The following AXDND1 variants were observed in gnomAD, a reference collection of about 807,000 sequenced individuals.
AXDND1 encodes axonemal dynein light chain domain-containing protein 1.
Under a neutral mutation model 137.5 loss-of-function variants are expected in AXDND1, and 110 were observed. That is an observed-to-expected ratio of 0.80 (90% CI 0.69 to 0.94). The LOEUF (loss-of-function observed/expected upper bound fraction) is 0.94. Among genes scored for constraint, AXDND1 ranks in the 40% least tolerant of loss-of-function variants. The pLI, the probability that AXDND1 is intolerant of heterozygous loss-of-function variation, is 0.00. For synonymous variants in AXDND1, 414 were observed against 399.7 expected, an observed-to-expected ratio of 1.04 and a Z score of -0.43; for missense variants, 1,191 against 1,169.8, an observed-to-expected ratio of 1.02 and a Z score of -0.26.
intron 25 of AXDND1, chr1:179,545,919 A>G (rs1228539283): frequency 4.6e-5 from 7 of 152,176 alleles, no homozygotes; most frequent in Non-Finnish European, 8.8e-5. Flanking sequence ...GAAAAAAGAT[A>G]ATGTATTGAA....
intron 4 of AXDND1, 26 bp downstream of exon 4, chr1:179,370,104 A>T: frequency 6.5e-7 from 1 of 1,541,752 alleles, no homozygotes; most frequent in Non-Finnish European, 8.9e-7. Context: ...AGTAGGATAG[A>T]TGCTGATAAA....
chr1:179,443,566 C>T (rs1031382275), intron 15 of AXDND1, among the ~76,000 whole-genome samples: 1 of 152,076 alleles, frequency 6.6e-6, no homozygotes, highest in East Asian at 1.9e-4. Flanking sequence ...CTATTTCTGC[C>T]TCCCCCAACC....
At chr1:179,516,595 G>A (rs954951562) in intron 21 of AXDND1, among the ~76,000 whole-genome samples, 16 of 152,192 alleles carry the variant, frequency 1.1e-4, no homozygotes, top group Admixed American at 4.6e-4. Context: ...CTGTCAGAGG[G>A]AAGGTATAGA....
At chr1:179,419,552 G>T (rs1463404903) in intron 12 of AXDND1, among the ~76,000 whole-genome samples, 5 of 148,418 alleles carry the variant, frequency 3.4e-5, no homozygotes, top group Non-Finnish European at 6.0e-5. Flanking sequence ...GCAGTGAGCC[G>T]AGATGGCAGC....
At chr1:179,424,452 G>C (rs1292094308) in intron 12 of AXDND1, among the ~76,000 whole-genome samples, 2 of 135,756 alleles carry the variant, frequency 1.5e-5, no homozygotes, top group Non-Finnish European at 3.1e-5. Flanking sequence ...TTTTGAGACA[G>C]AGTCTGGCTC....
chr1:179,447,834 C>T (rs996303996), intron 16 of AXDND1: 4 of 1,299,216 alleles, frequency 3.1e-6, no homozygotes, highest in Admixed American at 3.4e-5. Flanking sequence ...CTGTAGTGCC[C>T]AACATCCCAC....
At chr1:179,478,695 A>T (rs1368560326) in intron 17 of AXDND1, among the ~76,000 whole-genome samples, 1 of 152,228 alleles carries the variant, frequency 6.6e-6, no homozygotes, top group Non-Finnish European at 1.5e-5. Flanking sequence ...CTCATTACTT[A>T]TGCAGATTTC....
intron 16 of AXDND1, among the ~76,000 whole-genome samples, chr1:179,463,624 G>A (rs921784988): frequency 2.6e-5 from 4 of 152,234 alleles, no homozygotes; most frequent in African/African-American, 7.2e-5. Flanking sequence ...TTCTGTAGAT[G>A]TCAGTTAGGT....
At chr1:179,411,615 TTTC>T (rs1358547531) in intron 12 of AXDND1, among the ~76,000 whole-genome samples, 1 of 152,174 alleles carries the variant, frequency 6.6e-6, no homozygotes, top group African/African-American at 2.4e-5. Context: ...AAAAGTTGAA[TTTC>T]TTCTTTTTAT....
chr1:179,452,652 C>T (rs1406178863), intron 16 of AXDND1: 3 of 117,584 alleles, frequency 2.6e-5, no homozygotes, highest in African/African-American at 1.0e-4. Flanking sequence ...TGCGCCACTG[C>T]AGTCCGCAGT....
chr1:179,365,748 G>A (rs1259600619), upstream of AXDND1: 1 of 152,434 alleles, frequency 6.6e-6, no homozygotes, highest in Non-Finnish European at 1.5e-5. Flanking sequence ...AGGAAGCCCC[G>A]GCGTGAGACA....
intron 16 of AXDND1, chr1:179,447,531 G>A: frequency 1.6e-6 from 1 of 640,908 alleles, no homozygotes; most frequent in Non-Finnish European, 2.5e-6. Context: ...AAATTCCAAA[G>A]GAAGCTACAG....
intron 4 of AXDND1, 75 bp downstream of exon 4, chr1:179,370,153 G>T: frequency 8.5e-7 from 1 of 1,174,654 alleles, no homozygotes; most frequent in East Asian, 2.5e-5. Context: ...ACCTTGGGAG[G>T]GGCAGAATTA....
intron 23 of AXDND1, among the ~76,000 whole-genome samples, chr1:179,529,897 T>A (rs756254020): frequency 2.9e-4 from 44 of 152,164 alleles, no homozygotes; most frequent in Non-Finnish European, 5.6e-4. Context: ...TTTGGCACAT[T>A]CTCCCAAAGT....
chr1:179,510,738 C>T (rs1017594605), intron 21 of AXDND1, among the ~76,000 whole-genome samples: 5 of 152,020 alleles, frequency 3.3e-5, no homozygotes, highest in African/African-American at 7.2e-5. Context: ...ATGAATCTGA[C>T]AAGTCTTTTA....
At chr1:179,410,331 A>G (rs1042758213) in intron 11 of AXDND1, among the ~76,000 whole-genome samples, 1 of 152,166 alleles carries the variant, frequency 6.6e-6, no homozygotes, top group Non-Finnish European at 1.5e-5. Context: ...CCCAGGTTCA[A>G]GCAATTCTCC....
intron 12 of AXDND1, among the ~76,000 whole-genome samples, chr1:179,424,372 A>C (rs923852118): frequency 2.0e-5 from 3 of 150,772 alleles, no homozygotes; most frequent in African/African-American, 7.3e-5. Context: ...TGGTGCTCTC[A>C]GACCTTCCTA....
Position 179,468,484 on chromosome 1 carries a change from T to C in AXDND1, c.1840T>C (p.Phe614Leu). ...TCCAAGTTTGATTAGTTCTCTTGAC[T>C]TCTGTTCTTTCAAGTTGGAAAACCT... ...ILPSLISSLDFCSFKLENLEF... is the reference protein window; with the variant it reads ...ILPSLISSLDLCSFKLENLEF... The change falls in exon 17 of 26, where the codon TTC becomes CTC. Residue 614 changes from phenylalanine to leucine, a missense_variant. Physicochemically the swap from Phe to Leu is conservative, Grantham distance 22. Transcript: ENST00000367618. 1 of 1,612,936 alleles carries C rather than the reference T, an allele frequency of 6.2e-7. No individual in the cohort carries two copies.
chr1:179,502,351 G>T (rs1339863519), intron 20 of AXDND1, among the ~76,000 whole-genome samples: 1 of 152,034 alleles, frequency 6.6e-6, no homozygotes, highest in African/African-American at 2.4e-5. Context: ...GATCACCTGT[G>T]GTCAGGAGTT....
Sources: allele counts gnomAD v4.1 joint callset (sites outside exome capture counted in the v4.1 genomes callset), GRCh38; gene constraint gnomAD v4.1.1; transcripts MANE v1.5; gene names NCBI Gene and HGNC (gene_info 2026-07-23, HGNC 2026-07-21).